ANKRD17: variants seen among roughly 807,000 people sequenced by gnomAD.
The protein encoded by ANKRD17 is ankyrin repeat domain-containing protein 17.
In ANKRD17, 19 loss-of-function variants were observed where a neutral mutation model predicts 229.7. That is an observed-to-expected ratio of 0.08 (90% CI 0.06 to 0.12). ANKRD17 has a LOEUF of 0.12. Ranked by LOEUF, ANKRD17 falls within the 10% of genes least tolerant of loss-of-function variation. ANKRD17 has a pLI of 1.00. For synonymous variants in ANKRD17, 1,112 were observed against 1,146.1 expected (o/e 0.97, Z 0.60); for missense variants, 2,176 against 3,176.8 (o/e 0.68, Z 7.57).
rs1366973194 is a variant in ANKRD17 at position 73,153,961 on chromosome 4, A to T, written c.1153T>A (p.Leu385Met). ...ATGCCAGCCCCATTTTCTAGCAGCA[A>T]TCTGGCTACTTCCACATGTCCAGCA... ...GSAGHVEVAR[L>M]LLENGAGINT... Residue 385 changes from leucine (L) to methionine (M), a missense_variant, in exon 6 of 34, where the codon TTG becomes ATG. Transcript: ENST00000358602. 1.2e-6 allele frequency: 2 copies of T among 1,613,370 alleles called. No individual in the cohort carries two copies. The highest frequency in any genetic ancestry group is 1.7e-5 in the Admixed American group (1 of 59,844).
rs538519189 is a variant in ANKRD17 at position 73,203,775 on chromosome 4, A to G, written c.394-26242T>C. Among the ~76,000 whole-genome samples the G allele has an allele frequency of 1.7e-4, 26 of 150,428 alleles. No homozygotes were observed. In the East Asian group the frequency reaches 2.5e-3, roughly 15 times the overall value. ...CTCCGTCTCAAAAAAAAAAAAAAAA[A>G]AAAAGAAAAAGAAATAATGTCTGAA... On this transcript the variant is annotated intron_variant, in intron 1 of 33. Transcript: ENST00000358602.
In ANKRD17 at chr4:73,090,359, G is replaced by A. The variant is rs1236933665; in HGVS notation, c.6961+308C>T. Among the ~76,000 whole-genome samples the A allele has an allele frequency of 1.4e-4, 21 of 152,192 alleles. 1 individual carries two copies. The highest frequency in any genetic ancestry group is 1.4e-3 in the Admixed American group (21 of 15,276). On this transcript the variant is annotated intron_variant, in intron 29 of 33. Transcript: ENST00000358602. ...TGGGAGGCAGAGGTTGCGGTGAGCT[G>A]AGATCATGCCACTGCACTCCAGCCT...
chr4:73,253,475 A>T (rs1238036792), intron 1 of ANKRD17, among the ~76,000 whole-genome samples: 1 of 152,224 alleles, frequency 6.6e-6, no homozygotes, highest in Non-Finnish European at 1.5e-5. Flanking sequence ...GTATTAACTC[A>T]TTTAACTCTC....
At chr4:73,148,770 G>A (rs1014001403) in intron 8 of ANKRD17, 43 bp downstream of exon 8, 1 of 1,542,958 alleles carries the variant, frequency 6.5e-7, no homozygotes, top group Non-Finnish European at 8.9e-7. Context: ...ATACTCTTAG[G>A]TTTTACACAT....
In ANKRD17 at chr4:73,076,205, T is replaced by A. The variant is rs1432029934; in HGVS notation, c.*26A>T. 1.9e-6 allele frequency: 3 copies of A among 1,586,366 alleles called. No individual in the cohort carries two copies. The highest frequency in any genetic ancestry group is 2.6e-6 in the Non-Finnish European group (3 of 1,171,008). ...GTGATTTCCTCCAAATGAAAAGGAA[T>A]CTGCAGGCTAACAAGCTGATCCTCA... On this transcript the variant is annotated 3_prime_UTR_variant, in exon 34 of 34. Coordinates refer to ENST00000358602, the MANE Select transcript of ANKRD17 (RefSeq NM_032217.5).
At chr4:73,146,652 A>T (rs1270300184) in intron 10 of ANKRD17, 112 bp downstream of exon 10, 3 of 811,720 alleles carry the variant, frequency 3.7e-6, no homozygotes, top group Middle Eastern at 3.5e-4. Flanking sequence ...AAATAAAAAT[A>T]AAAAAAACAA....
chr4:73,109,790 TAAGAAGA>T (rs1051077986), intron 24 of ANKRD17, among the ~76,000 whole-genome samples: 5 of 151,856 alleles, frequency 3.3e-5, no homozygotes, highest in African/African-American at 1.2e-4. Context: ...CATGTGAGAA[TAAGAAGA>T]AAGGAGTAAG....
chr4:73,226,122 C>T (rs1265332359), intron 1 of ANKRD17, among the ~76,000 whole-genome samples: 6 of 150,986 alleles, frequency 4.0e-5, no homozygotes, highest in Non-Finnish European at 8.9e-5. Flanking sequence ...ACTACAGGCG[C>T]GTGCCACCAC....
At chr4:73,112,110 A>C (rs1341140480) in intron 24 of ANKRD17, among the ~76,000 whole-genome samples, 1 of 152,186 alleles carries the variant, frequency 6.6e-6, no homozygotes, top group African/African-American at 2.4e-5. Flanking sequence ...AGTAATAAAA[A>C]ACAAGGCCAG....
chr4:73,078,734 C>G lies in ANKRD17; in HGVS notation c.7316G>C (p.Gly2439Ala). 6.2e-7 allele frequency: 1 copy of G among 1,614,116 alleles called. No individual in the cohort carries two copies. The change falls in exon 31 of 34, where the codon GGA becomes GCA. Residue 2439 changes from glycine (G) to alanine (A), a missense_variant. By Grantham distance (60) the Gly-to-Ala change is moderately conservative. Transcript: ENST00000358602. ...TERSARIRQT[G>A]TSAPSVIGSN... ...CCCAATAACAGATGGAGCTGACGTT[C>G]CAGTTTGCCTGATACGTGCAGAACG...
chr4:73,235,287 T>A (rs1409009126), intron 1 of ANKRD17, among the ~76,000 whole-genome samples: 1 of 152,208 alleles, frequency 6.6e-6, no homozygotes. Flanking sequence ...GACAGTCATC[T>A]TTGGCTGAAA....
At chr4:73,143,749 TTTTTG>T (rs941764093) in intron 11 of ANKRD17, among the ~76,000 whole-genome samples, 128 of 152,222 alleles carry the variant, frequency 8.4e-4, no homozygotes, top group African/African-American at 2.9e-3. Context: ...CTACATCTTT[TTTTTG>T]TTTTGAGACA....
At chr4:73,236,943 C>CT (rs953354862) in intron 1 of ANKRD17, among the ~76,000 whole-genome samples, 4 of 152,114 alleles carry the variant, frequency 2.6e-5, no homozygotes, top group Non-Finnish European at 5.9e-5. Context: ...CCATATCATG[C>CT]TTTTTTCCTG....
intron 29 of ANKRD17, among the ~76,000 whole-genome samples, chr4:73,090,396 C>T (rs952774978): frequency 3.3e-5 from 5 of 152,058 alleles, no homozygotes; most frequent in Admixed American, 6.6e-5. Flanking sequence ...GGTGACAGAG[C>T]GAGACTCTGT....
At chr4:73,096,385 GA>G (rs1461204361) in intron 27 of ANKRD17, among the ~76,000 whole-genome samples, 2 of 152,168 alleles carry the variant, frequency 1.3e-5, no homozygotes, top group African/African-American at 4.8e-5. Context: ...TATAGTGTGT[GA>G]AAATAGAGAC....
intron 1 of ANKRD17, among the ~76,000 whole-genome samples, chr4:73,193,974 A>G (rs556217085): frequency 1.4e-4 from 22 of 152,238 alleles, no homozygotes; most frequent in Admixed American, 4.6e-4. Context: ...GGGTTTTCTC[A>G]ATATTGATTT....
At chr4:73,189,127 C>T (rs1036864267) in intron 1 of ANKRD17, among the ~76,000 whole-genome samples, 1 of 152,062 alleles carries the variant, frequency 6.6e-6, no homozygotes. Flanking sequence ...TAGAGCACTA[C>T]TTTTTTATTT....
intron 1 of ANKRD17, among the ~76,000 whole-genome samples, chr4:73,230,569 T>C (rs1435790828): frequency 6.6e-6 from 1 of 152,188 alleles, no homozygotes; most frequent in Non-Finnish European, 1.5e-5. Flanking sequence ...TACTAAAAAC[T>C]TCAATGATTT....
intron 24 of ANKRD17, among the ~76,000 whole-genome samples, chr4:73,110,769 A>T (rs755126255): frequency 6.6e-6 from 1 of 152,254 alleles, no homozygotes; most frequent in Non-Finnish European, 1.5e-5. Context: ...AAAATTTTAC[A>T]TATGTTCCAC....
Sources: allele counts gnomAD v4.1 joint callset (sites outside exome capture counted in the v4.1 genomes callset), GRCh38; gene constraint gnomAD v4.1.1; transcripts MANE v1.5; gene names NCBI Gene and HGNC (gene_info 2026-07-23, HGNC 2026-07-21).